CENPP: variants seen among roughly 807,000 people sequenced by gnomAD.
CENPP encodes centromere protein P.
A neutral mutation model predicts 35.6 loss-of-function variants in CENPP; 24 were observed. The observed-to-expected ratio is 0.67, with a 90% confidence interval of 0.49 to 0.95. The LOEUF (loss-of-function observed/expected upper bound fraction) is 0.95, where lower values mean the gene tolerates loss of function less well. CENPP is among the 40% of genes least tolerant of loss of function. The probability of loss-of-function intolerance (pLI) is 0.00; values close to 1 mark genes in which losing one functional copy is unlikely to be tolerated. For missense variants in CENPP, 332 were observed against 345.3 expected, an observed-to-expected ratio of 0.96 and a Z score of 0.31; for synonymous variants, 120 against 125.5, an observed-to-expected ratio of 0.96 and a Z score of 0.29.
chr9:92,406,295 C>T (rs1476382040), intron 5 of CENPP, among the ~76,000 whole-genome samples: 1 of 152,034 alleles, frequency 6.6e-6, no homozygotes, highest in Non-Finnish European at 1.5e-5. Flanking sequence ...TGCGACTAGA[C>T]AGGGGGAATA....
chr9:92,381,918 A>G (rs1279306715), intron 5 of CENPP, among the ~76,000 whole-genome samples: 1 of 133,080 alleles, frequency 7.5e-6, no homozygotes, highest in Non-Finnish European at 1.6e-5. Context: ...TTTTTTGGCT[A>G]TAGCCAACCT....
intron 5 of CENPP, chr9:92,500,847 TAGA>T (rs770551588): frequency 1.9e-6 from 3 of 1,614,172 alleles, no homozygotes; most frequent in Non-Finnish European, 2.5e-6. Flanking sequence ...ATATGCCCCA[TAGA>T]AGGAGACACG....
In CENPP at chr9:92,551,981, GT is replaced by G. The variant is rs1456893833; in HGVS notation, c.565-59332del. On this transcript the variant is annotated intron_variant, in intron 5 of 7. Transcript: ENST00000375587. ...ATATATATGTGTGATATATATGTGT[GT>G]GTATATATGTGATATATATGTGTAT... Among the ~76,000 whole-genome samples, 10 of 54,786 alleles carry G rather than the reference GT, an allele frequency of 1.8e-4. 1 individual carries two copies. The highest frequency in any genetic ancestry group is 6.9e-4 in the African/African-American group (3 of 4,368). 35.9% of individuals were successfully genotyped at this position (54,786 alleles called of 152,430 possible). A position where few individuals can be genotyped will look rare whatever the true frequency, so the allele number is the denominator to read the frequency against.
At chr9:92,343,327 G>T (rs188308660) in intron 3 of CENPP, among the ~76,000 whole-genome samples, 8 of 152,286 alleles carry the variant, frequency 5.3e-5, no homozygotes, top group Admixed American at 5.2e-4. Context: ...CTGTTGGCCA[G>T]ATTTACTTTC....
At chr9:92,576,064 A>T (rs866326677) in intron 5 of CENPP, among the ~76,000 whole-genome samples, 12 of 152,238 alleles carry the variant, frequency 7.9e-5, no homozygotes, top group Admixed American at 2.0e-4. Flanking sequence ...TGTTCACAGC[A>T]GCATTATTCA....
chr9:92,385,145 G>A (rs1006877996), intron 5 of CENPP: 3 of 152,726 alleles, frequency 2.0e-5, no homozygotes, highest in African/African-American at 4.8e-5. Flanking sequence ...TACTTTATAA[G>A]GAATAACGTA....
intron 5 of CENPP, among the ~76,000 whole-genome samples, chr9:92,402,055 A>G (rs1297963222): frequency 3.9e-5 from 6 of 152,140 alleles, no homozygotes; most frequent in Non-Finnish European, 7.3e-5. Context: ...TTATATTAAG[A>G]TAGAGAAACT....
intron 5 of CENPP, among the ~76,000 whole-genome samples, chr9:92,389,072 G>A (rs1842560983): frequency 6.6e-6 from 1 of 152,094 alleles, no homozygotes; most frequent in African/African-American, 2.4e-5. Context: ...TAAACTTTAT[G>A]ATAATGAATA....
At chr9:92,408,617 A>G (rs1325280001) in intron 5 of CENPP, among the ~76,000 whole-genome samples, 1 of 152,106 alleles carries the variant, frequency 6.6e-6, no homozygotes, top group Non-Finnish European at 1.5e-5. Context: ...CAGCCTCTGC[A>G]CTACTGACAT....
rs554146886 is a variant in CENPP at position 92,522,493 on chromosome 9, C to G, written c.565-88821C>G. On this transcript the variant is annotated intron_variant, in intron 5 of 7. Coordinates refer to ENST00000375587, the MANE Select transcript of CENPP (RefSeq NM_001012267.3). ...TTATCTTCATGGAGATGTTCTCCCT[C>G]TCTCCCTCTCTCCTTCTCTTTCCCC... 1.3e-4 allele frequency: 161 copies of G among 1,266,612 alleles called. No individual in the cohort carries two copies. In the African/African-American group the frequency reaches 2.1e-3, roughly 16 times the overall value. The allele number at this position is 1,266,612 out of a possible 1,614,324, so 78.5% of individuals were successfully genotyped here.
chr9:92,537,490 T>C (rs191488021), intron 5 of CENPP, among the ~76,000 whole-genome samples: 27 of 152,120 alleles, frequency 1.8e-4, no homozygotes, highest in African/African-American at 4.8e-5. Flanking sequence ...TGAAACCCCG[T>C]CTCTACTAAC....
At chr9:92,424,632 C>G (rs1843911262) in intron 5 of CENPP, among the ~76,000 whole-genome samples, 1 of 152,166 alleles carries the variant, frequency 6.6e-6, no homozygotes, top group South Asian at 2.1e-4. Flanking sequence ...CCCACTGTGA[C>G]AGGGAACTCC....
Position 92,575,632 on chromosome 9 carries a change from T to C in CENPP, c.565-35682T>C, listed in dbSNP as rs566611819. The stretch of plus-strand genomic sequence containing the variant: ...TTCAAGACCAGCCTGGCCAACATGG[T>C]GAAACCCCGTGTCTACTGAAAGTAC... On this transcript the variant is annotated intron_variant, in intron 5 of 7. Coordinates refer to ENST00000375587, the MANE Select transcript of CENPP (RefSeq NM_001012267.3). Among the ~76,000 whole-genome samples the C allele has an allele frequency of 2.7e-3, 414 of 152,124 alleles. 3 individuals carry two copies. The highest frequency in any genetic ancestry group is 4.5e-3 in the Admixed American group (69 of 15,274).
chr9:92,356,056 CTGAT>C (rs1841581427), intron 4 of CENPP, among the ~76,000 whole-genome samples: 1 of 152,008 alleles, frequency 6.6e-6, no homozygotes, highest in Non-Finnish European at 1.5e-5. Context: ...ATTTTACTAA[CTGAT>C]TGATATTGTC....
chr9:92,410,192 T>C lies in CENPP; in HGVS notation c.564+30333T>C, dbSNP rs368856690. Among the ~76,000 whole-genome samples the C allele has an allele frequency of 1.2e-4, 19 of 152,302 alleles. No homozygotes were observed. In the East Asian group the frequency reaches 1.4e-3, roughly 11 times the overall value. The stretch of plus-strand genomic sequence containing the variant: ...ACCTCATGATCTACCCACCTCGGCC[T>C]CCTGAAGTGCTGGGATTACAGGCGT... On this transcript the variant is annotated intron_variant, in intron 5 of 7. Transcript: ENST00000375587.
intron 5 of CENPP, among the ~76,000 whole-genome samples, chr9:92,465,547 A>G (rs907259585): frequency 1.4e-4 from 21 of 152,174 alleles, no homozygotes; most frequent in African/African-American, 5.1e-4. Context: ...TTGGTTATGA[A>G]TTTTGAATGG....
At chr9:92,563,371 A>C (rs72754463) in intron 5 of CENPP, among the ~76,000 whole-genome samples, 1 of 152,194 alleles carries the variant, frequency 6.6e-6, no homozygotes, top group Non-Finnish European at 1.5e-5. Context: ...CAAACAGTAC[A>C]TAAATTCTTT....
chr9:92,606,993 T>A (rs112101158), intron 5 of CENPP, among the ~76,000 whole-genome samples: 38 of 152,256 alleles, frequency 2.5e-4, no homozygotes, highest in African/African-American at 7.2e-4. Flanking sequence ...AATAATTTTT[T>A]AAAAAATCAA....
chr9:92,337,139 G>A (rs1319552246), intron 2 of CENPP, among the ~76,000 whole-genome samples: 5 of 152,280 alleles, frequency 3.3e-5, no homozygotes, highest in Non-Finnish European at 4.4e-5. Flanking sequence ...CCAGTATGGT[G>A]AAACCCTGTC....
Sources: gnomAD v4.1 joint callset for allele counts (sites outside exome capture counted in the v4.1 genomes callset) on GRCh38, gnomAD v4.1.1 for gene constraint, MANE v1.5 for transcripts, NCBI Gene and HGNC (gene_info 2026-07-23, HGNC 2026-07-21) for gene names.